Variants in SYCP1 observed in about 807,000 individuals in gnomAD.
SYCP1 encodes the protein cancer/testis antigen 8.
In SYCP1, 64 loss-of-function variants were observed where a neutral mutation model predicts 153.1. That is an observed-to-expected ratio of 0.42 (90% CI 0.34 to 0.51). The LOEUF (loss-of-function observed/expected upper bound fraction) is 0.51. SYCP1 is among the 20% of genes least tolerant of loss of function. The pLI, the probability that SYCP1 is intolerant of heterozygous loss-of-function variation, is 0.06. For missense variants in SYCP1, 997 were observed against 1,049.0 expected (o/e 0.95, Z 0.68); for synonymous variants, 384 against 341.8 (o/e 1.12, Z -1.36).
At chr1:114,964,403 T>G (rs1244575736) in intron 27 of SYCP1, among the ~76,000 whole-genome samples, 2 of 152,202 alleles carry the variant, frequency 1.3e-5, no homozygotes, top group Non-Finnish European at 2.9e-5. Context: ...CTATTTTGGC[T>G]TTTGTTGCAA....
intron 7 of SYCP1, 47 bp from the exon 8 acceptor site, chr1:114,860,689 G>A (rs1226818997): frequency 8.0e-7 from 1 of 1,244,318 alleles, no homozygotes; most frequent in South Asian, 1.4e-5. Flanking sequence ...TTGTGATTTT[G>A]CTTTGAGATC....
chr1:114,981,197 TATCTA>T (rs1673130040), intron 28 of SYCP1, 134 bp from the exon 29 acceptor site: 1 of 616,424 alleles, frequency 1.6e-6, no homozygotes, highest in Non-Finnish European at 2.7e-6. Context: ...TATTCAAACT[TATCTA>T]GTCAGTGATA....
At chr1:114,912,524 A>G (rs1668249291) in intron 18 of SYCP1, among the ~76,000 whole-genome samples, 2 of 151,898 alleles carry the variant, frequency 1.3e-5, no homozygotes, top group Non-Finnish European at 1.5e-5. Flanking sequence ...TTTTAAGAGC[A>G]AGTTAGGTGT....
chr1:114,878,062 C>A, intron 11 of SYCP1, 32 bp from the exon 12 acceptor site: 1 of 1,213,848 alleles, frequency 8.2e-7, no homozygotes, highest in African/African-American at 1.6e-5. Flanking sequence ...TTTAAATTTT[C>A]ATATTGATAA....
chr1:114,964,221 T>C (rs1463356724), intron 27 of SYCP1, among the ~76,000 whole-genome samples: 1 of 152,192 alleles, frequency 6.6e-6, no homozygotes, highest in Non-Finnish European at 1.5e-5. Flanking sequence ...GATGGGGTTG[T>C]TTGTTATTTT....
chr1:114,910,245 T>C (rs1668089350), intron 16 of SYCP1, 152 bp from the exon 17 acceptor site: 1 of 499,936 alleles, frequency 2.0e-6, no homozygotes, highest in Non-Finnish European at 3.6e-6. Context: ...GTTTAGTCTT[T>C]GAATTTACTT....
Position 114,897,514 on chromosome 1 carries a change from G to A in SYCP1, c.1320+2005G>A, listed in dbSNP as rs1209968154. On this transcript the variant is annotated intron_variant, in intron 16 of 31. Transcript: ENST00000369522. ...CTTTTGCTGGTATGTCAGGCTTCTA[G>A]GTTCCCTTCCCCTGAGCCCAATCCT... 2.6e-5 allele frequency among the ~76,000 whole-genome samples: 4 copies of A among 152,276 alleles called. No individual in the cohort carries two copies. The East Asian group carries it at 7.7e-4, about 29-fold the overall frequency.
At chr1:114,870,390 A>G (rs1223857539) in intron 8 of SYCP1, among the ~76,000 whole-genome samples, 2 of 152,184 alleles carry the variant, frequency 1.3e-5, no homozygotes, top group Non-Finnish European at 2.9e-5. Context: ...TGAAATTAAT[A>G]TAGCTACTCT....
At chr1:114,986,501 C>G (rs1673514237) in intron 30 of SYCP1, among the ~76,000 whole-genome samples, 1 of 151,972 alleles carries the variant, frequency 6.6e-6, no homozygotes, top group Admixed American at 6.6e-5. Context: ...GCATCACAAA[C>G]TTGCAACACA....
chr1:114,884,627 C>T (rs998997223), intron 12 of SYCP1, among the ~76,000 whole-genome samples: 3 of 152,206 alleles, frequency 2.0e-5, no homozygotes, highest in African/African-American at 7.2e-5. Flanking sequence ...CCATTATCAT[C>T]ATCTTAATAG....
At chr1:114,979,101 T>G (rs902135129) in intron 28 of SYCP1, among the ~76,000 whole-genome samples, 4 of 151,008 alleles carry the variant, frequency 2.6e-5, no homozygotes, top group African/African-American at 2.4e-5. Flanking sequence ...TGTTGGAAAA[T>G]GAGAAAAATG....
At chr1:114,863,437 C>T (rs186848059) in intron 8 of SYCP1, among the ~76,000 whole-genome samples, 106 of 152,228 alleles carry the variant, frequency 7.0e-4, no homozygotes, top group Admixed American at 2.3e-3. Flanking sequence ...CCTGTAGTCC[C>T]AGCTACTCAG....
rs61091884 is a variant in SYCP1 at position 114,913,058 on chromosome 1, C to A, written c.1555C>A (p.His519Asn). Residue 519 changes from histidine (H) to asparagine (N), a missense_variant, in exon 19 of 32, where the codon CAC (histidine) becomes AAC (asparagine). Physicochemically the swap from His to Asn is moderately conservative, Grantham distance 68. This residue lies in a region of SYCP1 where 712 missense variants were observed against 682.9 expected (regional missense o/e 1.04). Coordinates refer to ENST00000369522, the MANE Select transcript of SYCP1 (RefSeq NM_003176.4). ...GCTTAAGAATACTGAATTAACTTCA[C>A]ACTGCAACAAGCTTTCACTAGAAAA... ...EKLKNTELTS[H>N]CNKLSLENKE... 3.0e-3 allele frequency: 4,895 copies of A among 1,611,034 alleles called. 135 individuals carry two copies. In the African/African-American group the frequency reaches 0.057, roughly 19 times the overall value.
chr1:114,887,065 T>C lies in SYCP1; in HGVS notation c.1191-561T>C, dbSNP rs76137061. Reference sequence around the variant, plus strand: ...ATAGCCGGGGCCTAGCAATAGTTTTTCTCTGTTGCTTGTGCATGGTGAGGG... The same window carrying C: ...ATAGCCGGGGCCTAGCAATAGTTTTCCTCTGTTGCTTGTGCATGGTGAGGG... On this transcript the variant is annotated intron_variant, in intron 14 of 31. Coordinates refer to ENST00000369522, the MANE Select transcript of SYCP1 (RefSeq NM_003176.4). Among the ~76,000 whole-genome samples the C allele has an allele frequency of 6.8e-3, 1,036 of 152,168 alleles. 14 individuals are homozygous for C. Among genetic ancestry groups the C allele is most frequent in the African/African-American group, 0.023 (976 of 41,556 alleles).
chr1:114,975,784 C>T (rs138937575), intron 27 of SYCP1, among the ~76,000 whole-genome samples: 21 of 151,884 alleles, frequency 1.4e-4, no homozygotes, highest in African/African-American at 4.8e-4. Flanking sequence ...GCCTTAATCT[C>T]TGCCTAGCAA....
intron 8 of SYCP1, among the ~76,000 whole-genome samples, chr1:114,873,604 C>A (rs905949935): frequency 6.6e-6 from 1 of 152,124 alleles, no homozygotes; most frequent in Non-Finnish European, 1.5e-5. Context: ...TTGTTAAGAA[C>A]GGGACATATT....
chr1:114,858,397 G>C, intron 5 of SYCP1, 150 bp from the exon 6 acceptor site: 2 of 518,076 alleles, frequency 3.9e-6, no homozygotes, highest in South Asian at 1.1e-4. Context: ...TAGTTTAAAA[G>C]AGTTAATGTG....
At chr1:114,866,756 C>G (rs1282986559) in intron 8 of SYCP1, among the ~76,000 whole-genome samples, 1 of 148,938 alleles carries the variant, frequency 6.7e-6, no homozygotes. Flanking sequence ...TGGATTGTAT[C>G]TAAAAAAAAA....
chr1:114,886,273 GC>G lies in SYCP1; in HGVS notation c.1155del (p.Cys385Ter). 1 of 1,598,760 alleles carries G rather than the reference GC, an allele frequency of 6.3e-7. No homozygotes were observed. The highest frequency in any genetic ancestry group is 8.5e-7 in the Non-Finnish European group (1 of 1,174,104). ...FVVTEFETTV[C>X]SLEELLRTEQ... ...GTTACTGAATTTGAAACTACTGTCT[GC>G]AGCTTGGAAGAATTATTGAGAACAG... is the stretch of plus-strand genomic sequence containing the variant. On this transcript the variant is annotated frameshift_variant, in exon 14 of 32. Coordinates refer to ENST00000369522, the MANE Select transcript of SYCP1 (RefSeq NM_003176.4). LOFTEE classifies it high-confidence loss of function.
Sources: gnomAD v4.1 joint callset for allele counts (sites outside exome capture counted in the v4.1 genomes callset) on GRCh38, gnomAD v4.1.1 for gene constraint, gnomAD v4.1.1 regional missense constraint, MANE v1.5 for transcripts, NCBI Gene and HGNC (gene_info 2026-07-23, HGNC 2026-07-21) for gene names.